PTK2: variants seen among roughly 807,000 people sequenced by gnomAD.
PTK2 encodes the protein protein tyrosine kinase 2, also known as focal adhesion kinase 1.
Under a neutral mutation model 150.1 loss-of-function variants are expected in PTK2, and 45 were observed. That is an observed-to-expected ratio of 0.30 (90% CI 0.24 to 0.38). The LOEUF (loss-of-function observed/expected upper bound fraction) is 0.38, where lower values mean the gene tolerates loss of function less well. Ranked by LOEUF, PTK2 falls within the 10% of genes least tolerant of loss-of-function variation. PTK2 has a pLI of 1.00. For synonymous variants in PTK2, 432 were observed against 449.2 expected (o/e 0.96, Z 0.48); for missense variants, 919 against 1,307.3 (o/e 0.70, Z 4.58).
chr8:140,752,990 T>C (rs966541402), intron 16 of PTK2, among the ~76,000 whole-genome samples: 1 of 152,138 alleles, frequency 6.6e-6, no homozygotes, highest in Non-Finnish European at 1.5e-5. Flanking sequence ...TCAAGGCCAA[T>C]AGAAAGATGC....
Position 140,850,655 on chromosome 8 carries a change from G to A in PTK2, c.451-3977C>T, listed in dbSNP as rs142715846. Among the ~76,000 whole-genome samples, 971 of 151,480 alleles carry A rather than the reference G, an allele frequency of 6.4e-3. 15 individuals are homozygous for A. The highest frequency in any genetic ancestry group is 0.021 in the African/African-American group (881 of 41,270). ...TGAGGCAAGAGAATGGCGTGAACGC[G>A]GGAGGCGGAGCTTGCAGTGAGCCGT... On this transcript the variant is annotated intron_variant, in intron 5 of 31. Transcript: ENST00000522684.
At chr8:140,675,808 C>A (rs1221721644) in intron 27 of PTK2, 1 of 229,804 alleles carries the variant, frequency 4.4e-6, no homozygotes, top group Non-Finnish European at 8.4e-6. Flanking sequence ...TAAATTAGTA[C>A]AACCTCTATG....
At chr8:140,858,340 A>C (rs1476772233) in intron 5 of PTK2, among the ~76,000 whole-genome samples, 1 of 152,038 alleles carries the variant, frequency 6.6e-6, no homozygotes, top group Non-Finnish European at 1.5e-5. Flanking sequence ...ATCAGAATAG[A>C]CAACAACTAA....
intron 4 of PTK2, among the ~76,000 whole-genome samples, chr8:140,874,411 A>T (rs2100144373): frequency 6.6e-6 from 1 of 152,202 alleles, no homozygotes; most frequent in Non-Finnish European, 1.5e-5. Flanking sequence ...TTGACTAGAG[A>T]TCTTACTTCT....
At chr8:140,708,753 G>C (rs1002810131) in intron 23 of PTK2, among the ~76,000 whole-genome samples, 2 of 152,120 alleles carry the variant, frequency 1.3e-5, no homozygotes, top group African/African-American at 4.8e-5. Flanking sequence ...AAGTGGTTGT[G>C]CTGAATTAAA....
At chr8:140,874,604 T>C (rs1415771842) in intron 4 of PTK2, among the ~76,000 whole-genome samples, 1 of 152,178 alleles carries the variant, frequency 6.6e-6, no homozygotes, top group Non-Finnish European at 1.5e-5. Context: ...TTAAGCCATA[T>C]GATCTCCAGG....
intron 1 of PTK2, among the ~76,000 whole-genome samples, chr8:140,991,595 T>C (rs2100195714): frequency 6.6e-6 from 1 of 152,204 alleles, no homozygotes; most frequent in South Asian, 2.1e-4. Flanking sequence ...GAAGACAACA[T>C]ACACATACCT....
chr8:140,772,089 G>A (rs1034281897), intron 14 of PTK2, among the ~76,000 whole-genome samples: 2 of 151,948 alleles, frequency 1.3e-5, no homozygotes, highest in African/African-American at 4.8e-5. Flanking sequence ...GCGCCCGGCC[G>A]ATCCCAGTAA....
At chr8:140,678,964 T>C (rs2100015435) in intron 27 of PTK2, among the ~76,000 whole-genome samples, 1 of 150,476 alleles carries the variant, frequency 6.6e-6, no homozygotes, top group African/African-American at 2.4e-5. Context: ...GGTGCCTGTT[T>C]CCAGTCAGCC....
intron 7 of PTK2, among the ~76,000 whole-genome samples, chr8:140,832,544 G>A (rs1240794460): frequency 6.6e-6 from 1 of 152,244 alleles, no homozygotes; most frequent in African/African-American, 2.4e-5. Flanking sequence ...TGCCTTAGAA[G>A]AAAGCACTGC....
chr8:140,674,374 C>A, exon 29 of PTK2: 1 of 1,603,794 alleles, frequency 6.2e-7, no homozygotes, highest in Non-Finnish European at 8.5e-7. Flanking sequence ...AGCTCCAGGG[C>A]GAGGCGGTTT....
intron 4 of PTK2, among the ~76,000 whole-genome samples, chr8:140,871,129 A>T (rs906655108): frequency 2.0e-5 from 3 of 152,234 alleles, no homozygotes; most frequent in Non-Finnish European, 4.4e-5. Flanking sequence ...GACCATTTTG[A>T]AGTCTAAACT....
intron 10 of PTK2, among the ~76,000 whole-genome samples, chr8:140,811,734 G>A (rs1220916827): frequency 6.6e-6 from 1 of 152,206 alleles, no homozygotes; most frequent in Non-Finnish European, 1.5e-5. Context: ...CAACCTGATG[G>A]CGCTGAAAAG....
intron 1 of PTK2, among the ~76,000 whole-genome samples, chr8:140,973,136 G>C (rs1376065014): frequency 6.6e-6 from 1 of 152,176 alleles, no homozygotes; most frequent in African/African-American, 2.4e-5. Flanking sequence ...CCCTAGTAAT[G>C]ACAGAAATAA....
intron 29 of PTK2, chr8:140,669,316 TATATATA>T (rs1247615090): frequency 7.7e-6 from 1 of 129,530 alleles, no homozygotes; most frequent in Non-Finnish European, 1.6e-5. Flanking sequence ...TATATATATA[TATATATA>T]TATATATATA....
At chr8:140,878,064 C>CAA (rs1336585629) in intron 4 of PTK2, among the ~76,000 whole-genome samples, 6 of 152,068 alleles carry the variant, frequency 3.9e-5, no homozygotes, top group African/African-American at 1.2e-4. Context: ...AAAAACAAAA[C>CAA]AACACAAAAA....
At chr8:140,754,147 C>T (rs1281717193) in intron 16 of PTK2, among the ~76,000 whole-genome samples, 1 of 152,176 alleles carries the variant, frequency 6.6e-6, no homozygotes, top group Non-Finnish European at 1.5e-5. Flanking sequence ...CATTCCCTTT[C>T]TTCACCTCCA....
intron 7 of PTK2, 41 bp downstream of exon 7, chr8:140,846,219 T>C: frequency 6.8e-7 from 1 of 1,460,350 alleles, no homozygotes; most frequent in South Asian, 1.3e-5. Flanking sequence ...AGAATTTAGT[T>C]CTGCATATTT....
At chr8:140,961,384 G>A (rs2100183104) in intron 1 of PTK2, among the ~76,000 whole-genome samples, 2 of 151,982 alleles carry the variant, frequency 1.3e-5, no homozygotes, top group South Asian at 4.2e-4. Context: ...ACTACAGGCC[G>A]AGCGTGGTGG....
Sources: gnomAD v4.1 joint callset for allele counts (sites outside exome capture counted in the v4.1 genomes callset) on GRCh38, gnomAD v4.1.1 for gene constraint, MANE v1.5 for transcripts, NCBI Gene and HGNC (gene_info 2026-07-23, HGNC 2026-07-21) for gene names.